The following AGO3 variants were observed in gnomAD, a reference collection of about 807,000 sequenced individuals.
AGO3 encodes the protein protein argonaute-3.
A neutral mutation model predicts 105.5 loss-of-function variants in AGO3; 16 were observed. The observed-to-expected ratio is 0.15, with a 90% confidence interval of 0.10 to 0.23. The LOEUF is 0.23. Ranked by LOEUF, AGO3 falls within the 10% of genes least tolerant of loss-of-function variation. The pLI is 1.00. For synonymous variants in AGO3, 340 were observed against 367.3 expected (o/e 0.93, Z 0.85); for missense variants, 534 against 1,088.0 (o/e 0.49, Z 7.16).
intron 17 of AGO3, among the ~76,000 whole-genome samples, chr1:36,046,580 A>G (rs1642479284): frequency 7.6e-6 from 1 of 131,666 alleles, no homozygotes; most frequent in South Asian, 2.5e-4. Flanking sequence ...CTGTAGTCCC[A>G]GCTACTCCAG....
intron 2 of AGO3, among the ~76,000 whole-genome samples, chr1:35,946,150 T>G (rs1317869057): frequency 6.6e-6 from 1 of 152,212 alleles, no homozygotes; most frequent in African/African-American, 2.4e-5. Context: ...GCACATCATT[T>G]TCCTTGCTGT....
In AGO3 at chr1:36,070,356, T is replaced by C. The variant is rs1643145590; in HGVS notation, c.*14611T>C. ...AGTGAAAGTTTCTGCTTCATGTGAA[T>C]TCAATTCTGAGCACCTGCAGGTCAT... On this transcript the variant is annotated 3_prime_UTR_variant, in exon 19 of 19. Coordinates refer to ENST00000373191, the MANE Select transcript of AGO3 (RefSeq NM_024852.4). The C allele has an allele frequency of 6.6e-6, 1 of 152,234 alleles. No homozygotes were observed. The highest frequency in any genetic ancestry group is 2.4e-5 in the African/African-American group (1 of 41,466). The allele number at this position is 152,234 out of a possible 1,614,324, so 9.4% of individuals were successfully genotyped here.
chr1:35,945,150 C>T (rs1204689626), intron 1 of AGO3, among the ~76,000 whole-genome samples: 1 of 152,072 alleles, frequency 6.6e-6, no homozygotes, highest in African/African-American at 2.4e-5. Flanking sequence ...ATAATTGATT[C>T]TGTACTTTCT....
chr1:35,970,134 A>G (rs915195068), intron 3 of AGO3, among the ~76,000 whole-genome samples: 13 of 152,196 alleles, frequency 8.5e-5, no homozygotes, highest in Non-Finnish European at 1.5e-4. Context: ...TAGTTGGCAA[A>G]TGCAATTTTG....
chr1:35,987,076 C>G (rs975778380), intron 5 of AGO3, among the ~76,000 whole-genome samples: 1 of 151,576 alleles, frequency 6.6e-6, no homozygotes, highest in African/African-American at 2.4e-5. Flanking sequence ...GCCTGTAACC[C>G]TAGCACTTCG....
chr1:36,027,253 C>T lies in AGO3; in HGVS notation c.1546C>T (p.Leu516=), dbSNP rs1216537402. The T allele has an allele frequency of 7.4e-6, 12 of 1,614,074 alleles. No individual in the cohort carries two copies. Among genetic ancestry groups the T allele is most frequent in the Non-Finnish European group, 1.0e-5 (12 of 1,179,986 alleles). The part of the protein sequence containing the change: ...FRHLKNTYSG[L]QLIIVILPGK... ...GCATCTCAAGAACACATATTCTGGC[C>T]TACAGCTTATTATCGTCATCCTGCC... Residue 516 remains leucine, a synonymous_variant, in exon 12 of 19, where the codon CTA becomes TTA. Coordinates refer to ENST00000373191, the MANE Select transcript of AGO3 (RefSeq NM_024852.4). The surrounding 1 kb of genome is among the most constrained non-coding windows in gnomAD (Gnocchi z 4.0).
intron 12 of AGO3, among the ~76,000 whole-genome samples, chr1:36,028,704 A>G (rs376024933): frequency 3.3e-4 from 50 of 152,020 alleles, no homozygotes; most frequent in Middle Eastern, 3.4e-3. Context: ...CGCAATAAAC[A>G]TACGTGTGCA....
At chr1:35,955,634 A>T (rs1434775036) in intron 2 of AGO3, among the ~76,000 whole-genome samples, 1 of 149,840 alleles carries the variant, frequency 6.7e-6, no homozygotes, top group Non-Finnish European at 1.5e-5. Flanking sequence ...TCACTCTGTC[A>T]CCCAGGCTGG....
chr1:35,957,779 G>A (rs1452265598), intron 2 of AGO3, among the ~76,000 whole-genome samples: 1 of 152,060 alleles, frequency 6.6e-6, no homozygotes, highest in Non-Finnish European at 1.5e-5. Context: ...TTAAAATTTT[G>A]GCCAAGTGCA....
chr1:35,976,632 C>T (rs949409122), intron 5 of AGO3, among the ~76,000 whole-genome samples: 2 of 151,992 alleles, frequency 1.3e-5, no homozygotes, highest in African/African-American at 2.4e-5. Flanking sequence ...TTATTAAGTA[C>T]GTTTATCAAG....
At position 35,943,713 on chromosome 1, in the gene AGO3, A is replaced by G. The variant is rs1370946883; in HGVS notation, c.20-1979A>G. Among the ~76,000 whole-genome samples the G allele has an allele frequency of 2.7e-5, 4 of 149,500 alleles. No individual in the cohort carries two copies. In the Admixed American group the frequency reaches 2.7e-4, roughly 10 times the overall value. On this transcript the variant is annotated intron_variant, in intron 1 of 18. Transcript: ENST00000373191. The stretch of plus-strand genomic sequence containing the variant: ...CCACCTCCGGGGCTCAAGCGATTCT[A>G]CCACCTCAGTCTTCTGAGTAGCTGG...
chr1:35,933,640 C>CAAAAAAAA (rs34254758), intron 1 of AGO3, among the ~76,000 whole-genome samples: 4 of 31,428 alleles, frequency 1.3e-4, no homozygotes, highest in Non-Finnish European at 2.1e-4. Context: ...GACCCTGTCT[C>CAAAAAAAA]AAAAAAAAAA....
chr1:35,993,790 C>G (rs1647942739), intron 5 of AGO3, among the ~76,000 whole-genome samples: 1 of 142,784 alleles, frequency 7.0e-6, no homozygotes, highest in South Asian at 2.3e-4. Flanking sequence ...CTCTGTCGCC[C>G]AGGCTGGAGT....
intron 2 of AGO3, among the ~76,000 whole-genome samples, chr1:35,958,338 A>G (rs988848964): frequency 1.3e-5 from 2 of 151,906 alleles, no homozygotes; most frequent in Non-Finnish European, 2.9e-5. Context: ...CCGAGATCAC[A>G]CCACTGCACT....
chr1:36,014,244 C>T (rs1487488740), intron 11 of AGO3, among the ~76,000 whole-genome samples, 196 bp downstream of exon 11: 1 of 151,866 alleles, frequency 6.6e-6, no homozygotes, highest in Non-Finnish European at 1.5e-5. Flanking sequence ...CTGCAACCTC[C>T]ACCTCCCAGG....
At chr1:36,006,256 A>G (rs574396506) in intron 6 of AGO3, among the ~76,000 whole-genome samples, 1 of 152,232 alleles carries the variant, frequency 6.6e-6, no homozygotes, top group Admixed American at 6.5e-5. Context: ...AAATAATGAC[A>G]CAAAGTGTGC....
chr1:35,931,301 C>T lies in AGO3; in HGVS notation c.-126C>T. 1.2e-6 allele frequency: 1 copy of T among 844,778 alleles called. No homozygotes were observed. Among genetic ancestry groups the T allele is most frequent in the Non-Finnish European group, 1.7e-6 (1 of 597,722 alleles). The allele number at this position is 844,778 out of a possible 1,614,324, so 52.3% of individuals were successfully genotyped here. A position where few individuals can be genotyped will look rare whatever the true frequency, so the allele number is the denominator to read the frequency against. On this transcript the variant is annotated 5_prime_UTR_variant, in exon 1 of 19. Transcript: ENST00000373191. ...AGTGCGGTTGCTCAGGGGAAGCCGT[C>T]GCCGCCCCCGCCTCGGGGCCGAGTG...
intron 12 of AGO3, among the ~76,000 whole-genome samples, chr1:36,028,651 G>C (rs866925913): frequency 6.6e-6 from 1 of 151,586 alleles, no homozygotes; most frequent in Non-Finnish European, 1.5e-5. Context: ...ATCATTGTTG[G>C]ACATTTGGGT....
At chr1:36,003,707 A>ATATATAT (rs1194799778) in intron 5 of AGO3, among the ~76,000 whole-genome samples, 2 of 120,272 alleles carry the variant, frequency 1.7e-5, no homozygotes, top group Admixed American at 8.6e-5. Flanking sequence ...AAAAAAAAAA[A>ATATATAT]AAATATATAT....
Sources: allele counts gnomAD v4.1 joint callset (sites outside exome capture counted in the v4.1 genomes callset), GRCh38; gene constraint gnomAD v4.1.1; non-coding constraint Gnocchi (gnomAD v3.1); transcripts MANE v1.5; gene names NCBI Gene and HGNC (gene_info 2026-07-23, HGNC 2026-07-21).